Variants in ERC2 observed in about 807,000 individuals in gnomAD.
ERC2 encodes ERC protein 2.
In ERC2, 42 loss-of-function variants were observed where a neutral mutation model predicts 114.8. That is an observed-to-expected ratio of 0.37 (90% CI 0.29 to 0.47). The LOEUF (loss-of-function observed/expected upper bound fraction) is 0.47. Among genes scored for constraint, ERC2 ranks in the 20% least tolerant of loss-of-function variants. The pLI is 0.99. For missense variants in ERC2, 939 were observed against 1,150.7 expected, an observed-to-expected ratio of 0.82 and a Z score of 2.66; for synonymous variants, 454 against 425.5, an observed-to-expected ratio of 1.07 and a Z score of -0.82.
chr3:55,532,672 C>G (rs754600464), intron 17 of ERC2, among the ~76,000 whole-genome samples: 18 of 152,090 alleles, frequency 1.2e-4, no homozygotes, highest in Non-Finnish European at 2.5e-4. Flanking sequence ...TTCAGGGCCA[C>G]AAAGTTATTA....
intron 3 of ERC2, among the ~76,000 whole-genome samples, chr3:56,262,047 T>C (rs1390241920): frequency 6.6e-6 from 1 of 152,228 alleles, no homozygotes; most frequent in East Asian, 1.9e-4. Context: ...CACGATCTCA[T>C]TCTTTTTCAT....
intron 5 of ERC2, among the ~76,000 whole-genome samples, chr3:56,147,399 CTAGT>C (rs969019981): frequency 2.6e-4 from 39 of 152,308 alleles, no homozygotes; most frequent in Admixed American, 2.0e-3. Context: ...ATCTCAACAT[CTAGT>C]TAGAGATGGA....
chr3:55,776,372 T>A (rs1055060891), intron 14 of ERC2, among the ~76,000 whole-genome samples: 1 of 152,002 alleles, frequency 6.6e-6, no homozygotes, highest in African/African-American at 2.4e-5. Flanking sequence ...TTTAAATACT[T>A]AGGTACATAA....
chr3:56,138,598 T>A (rs1048440713), intron 6 of ERC2, among the ~76,000 whole-genome samples: 1 of 152,128 alleles, frequency 6.6e-6, no homozygotes, highest in African/African-American at 2.4e-5. Flanking sequence ...CTAAGGCCAA[T>A]CCAAACCTCC....
At chr3:55,585,032 G>T (rs2057525516) in intron 17 of ERC2, among the ~76,000 whole-genome samples, 1 of 152,202 alleles carries the variant, frequency 6.6e-6, no homozygotes, top group Non-Finnish European at 1.5e-5. Flanking sequence ...TCCATTTGGT[G>T]GGGAGAAGCT....
chr3:56,151,813 C>A (rs1028522071), intron 4 of ERC2, among the ~76,000 whole-genome samples: 1 of 151,968 alleles, frequency 6.6e-6, no homozygotes, highest in Non-Finnish European at 1.5e-5. Flanking sequence ...CTCAGAAACT[C>A]GACGCGCTAA....
chr3:56,311,263 A>C (rs374668693), intron 2 of ERC2, among the ~76,000 whole-genome samples: 31,548 of 75,290 alleles, frequency 0.42, 5,302 homozygotes, highest in East Asian at 0.54. Flanking sequence ...CTCTATATAT[A>C]TATATATATA....
intron 1 of ERC2, among the ~76,000 whole-genome samples, chr3:56,445,675 C>T (rs375883129): frequency 5.1e-4 from 78 of 152,296 alleles, no homozygotes; most frequent in Middle Eastern, 6.8e-3. Context: ...CCCCGCCTCC[C>T]CTCTTGCCAC....
chr3:55,825,339 C>T (rs4974147), intron 14 of ERC2, among the ~76,000 whole-genome samples: 41,508 of 151,966 alleles, frequency 0.27, 6,884 homozygotes, highest in African/African-American at 0.46. Flanking sequence ...ACAAATAAAA[C>T]GGTTATATGG....
chr3:56,025,298 A>G (rs1285761491), intron 7 of ERC2, among the ~76,000 whole-genome samples: 1 of 152,210 alleles, frequency 6.6e-6, no homozygotes, highest in Non-Finnish European at 1.5e-5. Flanking sequence ...TTGCATAACA[A>G]ATTGCCACAA....
chr3:55,876,267 T>C (rs1331250568), intron 14 of ERC2, among the ~76,000 whole-genome samples: 1 of 152,086 alleles, frequency 6.6e-6, no homozygotes, highest in Non-Finnish European at 1.5e-5. Context: ...ATATTTGGAC[T>C]GGATTTTACC....
chr3:56,025,703 T>G lies in ERC2; in HGVS notation c.1642-6672A>C, dbSNP rs534909697. On this transcript the variant is annotated intron_variant, in intron 7 of 17. Coordinates refer to ENST00000288221, the MANE Select transcript of ERC2 (RefSeq NM_015576.3). ...CCAACACAGATAATCTCCCTTTTGATCAACTTAAGGTCAATAGACTAGTGA... is the reference window on the plus strand; with the variant it reads ...CCAACACAGATAATCTCCCTTTTGAGCAACTTAAGGTCAATAGACTAGTGA... Among the ~76,000 whole-genome samples, 10 of 152,302 alleles carry G rather than the reference T, an allele frequency of 6.6e-5. No individual in the cohort carries two copies. In the South Asian group the frequency reaches 2.1e-3, roughly 32 times the overall value.
intron 4 of ERC2, among the ~76,000 whole-genome samples, chr3:56,154,879 T>C (rs535487033): frequency 1.3e-5 from 2 of 152,306 alleles, no homozygotes; most frequent in South Asian, 2.1e-4. Context: ...AAAAACAATG[T>C]AGTAAGTCCC....
At chr3:55,972,260 T>C (rs1015800457) in intron 12 of ERC2, among the ~76,000 whole-genome samples, 1 of 152,206 alleles carries the variant, frequency 6.6e-6, no homozygotes, top group South Asian at 2.1e-4. Flanking sequence ...TTTTTATTTG[T>C]GATTTTCTTA....
chr3:55,515,693 G>C (rs957464204), intron 17 of ERC2, among the ~76,000 whole-genome samples: 5 of 151,976 alleles, frequency 3.3e-5, no homozygotes, highest in Admixed American at 6.6e-5. Flanking sequence ...GGTTCTAGGT[G>C]GGGGTGTGTG....
chr3:56,373,443 T>C (rs1283266313), intron 2 of ERC2, among the ~76,000 whole-genome samples: 1 of 152,216 alleles, frequency 6.6e-6, no homozygotes, highest in African/African-American at 2.4e-5. Flanking sequence ...CTTCCTAAAT[T>C]TGAATACAGG....
rs528784199 is a variant in ERC2 at position 55,945,368 on chromosome 3, T to C, written c.2403+5057A>G. On this transcript the variant is annotated intron_variant, in intron 13 of 17. Transcript: ENST00000288221. ...ATAACACATGAACATAGATCACATT[T>C]AAAGTAACAATTTTAAGCTCAGGGA... 2.0e-5 allele frequency among the ~76,000 whole-genome samples: 3 copies of C among 152,352 alleles called. No homozygotes were observed. In the East Asian group the frequency reaches 5.8e-4, roughly 29 times the overall value.
chr3:55,579,720 C>G (rs958300477), intron 17 of ERC2, among the ~76,000 whole-genome samples: 1 of 152,238 alleles, frequency 6.6e-6, no homozygotes. Flanking sequence ...TTCCACCCAG[C>G]AAAACAAGTC....
At chr3:55,538,913 CAATT>C (rs1247385649) in intron 17 of ERC2, among the ~76,000 whole-genome samples, 1 of 152,158 alleles carries the variant, frequency 6.6e-6, no homozygotes, top group African/African-American at 2.4e-5. Flanking sequence ...TAATGTTTAA[CAATT>C]AAATGAAGCC....
Sources: allele counts gnomAD v4.1 joint callset (sites outside exome capture counted in the v4.1 genomes callset), GRCh38; gene constraint gnomAD v4.1.1; transcripts MANE v1.5; gene names NCBI Gene and HGNC (gene_info 2026-07-23, HGNC 2026-07-21).